MAGI2: variants seen among roughly 807,000 people sequenced by gnomAD.
MAGI2 encodes the protein membrane-associated guanylate kinase, WW and PDZ domain-containing protein 2.
Under a neutral mutation model 133.3 loss-of-function variants are expected in MAGI2, and 35 were observed. The observed-to-expected ratio is 0.26, with a 90% CI of 0.20 to 0.35. MAGI2 has a LOEUF of 0.35. MAGI2 is among the 10% of genes least tolerant of loss of function. MAGI2 has a pLI of 1.00. For missense variants in MAGI2, 1,636 were observed against 1,863.4 expected, an observed-to-expected ratio of 0.88 and a Z score of 2.25; for synonymous variants, 729 against 710.6, an observed-to-expected ratio of 1.03 and a Z score of -0.41.
chr7:78,895,776 A>G (rs1797168026), intron 2 of MAGI2, among the ~76,000 whole-genome samples: 1 of 152,240 alleles, frequency 6.6e-6, no homozygotes, highest in Non-Finnish European at 1.5e-5. Flanking sequence ...TAGCAGAAAC[A>G]TCACTGTGGA....
At chr7:79,358,610 G>A (rs1842177768) in intron 1 of MAGI2, among the ~76,000 whole-genome samples, 1 of 152,120 alleles carries the variant, frequency 6.6e-6, no homozygotes, top group Non-Finnish European at 1.5e-5. Context: ...TATGATCTGA[G>A]GATCTCCTTA....
intron 6 of MAGI2, among the ~76,000 whole-genome samples, chr7:78,378,765 G>A (rs943389109): frequency 2.6e-5 from 4 of 151,916 alleles, no homozygotes; most frequent in African/African-American, 9.7e-5. Context: ...TTGAGGACAG[G>A]ACTAATGGTA....
At chr7:78,146,003 T>C (rs1195851985) in intron 16 of MAGI2, among the ~76,000 whole-genome samples, 1 of 152,032 alleles carries the variant, frequency 6.6e-6, no homozygotes, top group African/African-American at 2.4e-5. Context: ...TTGTAGTAAA[T>C]ATCATATCAT....
intron 20 of MAGI2, among the ~76,000 whole-genome samples, chr7:78,122,804 G>C (rs1478311055): frequency 6.6e-6 from 1 of 151,914 alleles, no homozygotes; most frequent in African/African-American, 2.4e-5. Context: ...TACATTCCCT[G>C]TTTTACTGAG....
chr7:78,729,773 A>G (rs367712033), intron 2 of MAGI2, among the ~76,000 whole-genome samples: 3 of 152,362 alleles, frequency 2.0e-5, no homozygotes, highest in African/African-American at 7.2e-5. Context: ...TAGTCTGACT[A>G]TAATTGGCTT....
At chr7:78,043,338 G>C (rs201704184) in intron 21 of MAGI2, among the ~76,000 whole-genome samples, 1 of 150,550 alleles carries the variant, frequency 6.6e-6, no homozygotes, top group South Asian at 2.1e-4. Context: ...TTGTTTCTGC[G>C]TGTGGCAGGT....
At chr7:79,330,656 T>C (rs577946477) in intron 1 of MAGI2, among the ~76,000 whole-genome samples, 1 of 151,614 alleles carries the variant, frequency 6.6e-6, no homozygotes, top group South Asian at 2.1e-4. Context: ...ACTCTTTATT[T>C]AGCACTCATT....
At chr7:79,080,246 C>T (rs565450372) in intron 1 of MAGI2, among the ~76,000 whole-genome samples, 12 of 152,094 alleles carry the variant, frequency 7.9e-5, no homozygotes, top group East Asian at 1.9e-4. Context: ...ATTCATTTTT[C>T]GACAGTCCAA....
At chr7:78,564,366 A>C (rs1800720332) in intron 3 of MAGI2, among the ~76,000 whole-genome samples, 1 of 152,222 alleles carries the variant, frequency 6.6e-6, no homozygotes, top group Non-Finnish European at 1.5e-5. Flanking sequence ...ATTCTGCTTT[A>C]GATTAATTTC....
intron 6 of MAGI2, among the ~76,000 whole-genome samples, chr7:78,407,143 A>G (rs1240660756): frequency 3.9e-5 from 6 of 152,082 alleles, no homozygotes; most frequent in African/African-American, 1.4e-4. Flanking sequence ...TAAGTCTTCC[A>G]CAAACTCAAT....
At chr7:79,194,330 G>A (rs1426865804) in intron 1 of MAGI2, among the ~76,000 whole-genome samples, 2 of 151,898 alleles carry the variant, frequency 1.3e-5, no homozygotes, top group Non-Finnish European at 2.9e-5. Context: ...TGTTCTACTA[G>A]AAAATATTAA....
chr7:78,931,995 A>AG (rs1434519117), intron 2 of MAGI2, among the ~76,000 whole-genome samples: 82 of 143,014 alleles, frequency 5.7e-4, no homozygotes, highest in African/African-American at 2.0e-3. Context: ...GTCAAAAGGA[A>AG]GGCAAAAAAA....
At chr7:78,490,443 G>A (rs764983045) in intron 5 of MAGI2, among the ~76,000 whole-genome samples, 11 of 151,974 alleles carry the variant, frequency 7.2e-5, no homozygotes, top group Non-Finnish European at 1.2e-4. Flanking sequence ...GCATTCTAAT[G>A]TTTCTGAAAT....
At chr7:78,274,695 G>C (rs1366528339) in intron 9 of MAGI2, among the ~76,000 whole-genome samples, 2 of 152,100 alleles carry the variant, frequency 1.3e-5, no homozygotes, top group Admixed American at 6.5e-5. Context: ...TAGCTGCGGT[G>C]GGCTCCCCTC....
At chr7:78,424,788 T>G (rs1382882458) in intron 6 of MAGI2, among the ~76,000 whole-genome samples, 1 of 152,182 alleles carries the variant, frequency 6.6e-6, no homozygotes, top group African/African-American at 2.4e-5. Flanking sequence ...AGCCCCTTTG[T>G]TTTGTCCAAT....
chr7:79,208,459 C>T (rs1319024162), intron 1 of MAGI2, among the ~76,000 whole-genome samples: 3 of 151,798 alleles, frequency 2.0e-5, no homozygotes, highest in Non-Finnish European at 2.9e-5. Context: ...TTACTCATCA[C>T]GACACAAATG....
At chr7:79,335,800 CA>C in intron 1 of MAGI2, among the ~76,000 whole-genome samples, 1 of 151,932 alleles carries the variant, frequency 6.6e-6, no homozygotes, top group Non-Finnish European at 1.5e-5. Flanking sequence ...TTTAAATGTT[CA>C]ATAGTTTGGA....
chr7:79,319,495 G>A (rs2129561470), intron 1 of MAGI2, among the ~76,000 whole-genome samples: 1 of 152,266 alleles, frequency 6.6e-6, no homozygotes, highest in South Asian at 2.1e-4. Context: ...TTAAGCAGAA[G>A]TATGTATGTG....
intron 2 of MAGI2, among the ~76,000 whole-genome samples, chr7:78,994,079 G>A (rs1806054798): frequency 6.6e-6 from 1 of 152,008 alleles, no homozygotes; most frequent in South Asian, 2.1e-4. Context: ...TGTAAGTTTT[G>A]TCAACTTGTG....
Sources: allele counts gnomAD v4.1 joint callset (sites outside exome capture counted in the v4.1 genomes callset), GRCh38; gene constraint gnomAD v4.1.1; transcripts MANE v1.5; gene names NCBI Gene and HGNC (gene_info 2026-07-23, HGNC 2026-07-21).